The following IL4I1 variants were observed in gnomAD, a reference collection of about 807,000 sequenced individuals.
IL4I1 encodes the protein interleukin 4 induced 1, also known as L-amino-acid oxidase.
Under a neutral mutation model 29.7 loss-of-function variants are expected in IL4I1, and 24 were observed. The ratio of observed to expected loss-of-function variants is 0.81; its 90% CI spans 0.59 to 1.14. The LOEUF is 1.14. Ranked by LOEUF, IL4I1 falls within the 50% of genes most tolerant of loss-of-function variation. The pLI is 0.00. For synonymous variants in IL4I1, 371 were observed against 352.5 expected (o/e 1.05, Z -0.59); for missense variants, 686 against 785.6 (o/e 0.87, Z 1.52).
intron 2 of IL4I1, among the ~76,000 whole-genome samples, chr19:49,912,470 A>C (rs2075495197): frequency 6.6e-6 from 1 of 152,088 alleles, no homozygotes; most frequent in Non-Finnish European, 1.5e-5. Flanking sequence ...CGCCCGGCCA[A>C]CAGTTCACCA....
At position 49,908,541 on chromosome 19, in the gene IL4I1, G is replaced by C. The variant is rs753234707; in HGVS notation, c.-227-4220C>G. ...TCACGCTCCTCATCCGCGTGCTGCA[G>C]GTAGATGGTCCCGCTCTGCTCCTTG... On this transcript the variant is annotated intron_variant, in intron 2 of 9. Coordinates refer to the IL4I1 transcript ENST00000341114. The C allele has an allele frequency of 1.9e-6, 3 of 1,614,090 alleles. No homozygotes were observed. The Admixed American group carries it at 5.0e-5, about 27-fold the overall frequency.
At chr19:49,901,035 A>C (rs2075266906), upstream of IL4I1, among the ~76,000 whole-genome samples, 1 of 152,184 alleles carries the variant, frequency 6.6e-6, no homozygotes, top group Non-Finnish European at 1.5e-5. Context: ...CCTTACGTAT[A>C]TACGCATTCT....
At chr19:49,918,916 T>TGGG (rs1312547282) in intron 2 of IL4I1, among the ~76,000 whole-genome samples, 3 of 25,244 alleles carry the variant, frequency 1.2e-4, no homozygotes, top group African/African-American at 3.0e-4. Context: ...GGGCGGGGTG[T>TGGG]GGGGGGGCGG....
chr19:49,890,324 C>T lies in IL4I1; in HGVS notation c.1050G>A (p.Val350=). ...AGCTTAGGAACACCTTGGTGGCCGG[C>T]ACGTAGTGCAGCCTCCGCAGCGCCT... The part of the protein sequence containing the change: ...MQEALRRLHY[V]PATKVFLSFR... Residue 350 remains valine (V), a synonymous_variant, in exon 8 of 8, where the codon GTG becomes GTA. Transcript: ENST00000391826. 6.2e-7 allele frequency: 1 copy of T among 1,607,642 alleles called. No individual in the cohort carries two copies. The highest frequency in any genetic ancestry group is 8.5e-7 in the Non-Finnish European group (1 of 1,178,000).
intron 2 of IL4I1, among the ~76,000 whole-genome samples, chr19:49,916,725 C>G (rs1053888140): frequency 5.9e-5 from 9 of 151,698 alleles, no homozygotes; most frequent in African/African-American, 2.2e-4. Context: ...GATCACACCA[C>G]TGCACTCCAG....
intron 2 of IL4I1, chr19:49,911,199 T>C (rs926523519): frequency 1.3e-5 from 2 of 152,242 alleles, no homozygotes; most frequent in African/African-American, 4.8e-5. Context: ...CTAAAGATGA[T>C]CAGCAGTATC....
intron 2 of IL4I1, chr19:49,911,174 C>T (rs2075452344): frequency 1.3e-5 from 2 of 152,234 alleles, no homozygotes; most frequent in Admixed American, 1.3e-4. Flanking sequence ...AGTGCCAGGA[C>T]TACAGGCGTG....
intron 2 of IL4I1, chr19:49,908,255 C>G (rs569791604): frequency 6.2e-7 from 1 of 1,613,382 alleles, no homozygotes; most frequent in Non-Finnish European, 8.5e-7. Flanking sequence ...AAAGGTGATC[C>G]GGAAGCTGCG....
chr19:49,905,678 C>A (rs1455347641), intron 2 of IL4I1, among the ~76,000 whole-genome samples: 1 of 152,136 alleles, frequency 6.6e-6, no homozygotes, highest in Non-Finnish European at 1.5e-5. Context: ...CTCACTGCAA[C>A]CTCCACCTCT....
intron 2 of IL4I1, among the ~76,000 whole-genome samples, chr19:49,922,986 C>T (rs2075800018): frequency 6.6e-6 from 1 of 152,138 alleles, no homozygotes. Flanking sequence ...TCGGGGGGTA[C>T]AGTATCTTGT....
chr19:49,902,652 AC>A (rs2075281233), intron 3 of IL4I1, among the ~76,000 whole-genome samples: 1 of 151,790 alleles, frequency 6.6e-6, no homozygotes, highest in Non-Finnish European at 1.5e-5. Context: ...ACATGGTGAA[AC>A]CCCATCTCTA....
intron 2 of IL4I1, among the ~76,000 whole-genome samples, chr19:49,923,587 G>A (rs953987589): frequency 5.3e-5 from 8 of 152,234 alleles, no homozygotes; most frequent in African/African-American, 1.9e-4. Context: ...CTTCACTGAT[G>A]CCATCTCCAC....
At chr19:49,897,089 G>T (rs61132178), upstream of IL4I1, 7,482 of 161,804 alleles carry the variant, frequency 0.046, 368 homozygotes, top group African/African-American at 0.11. Context: ...TAGTTCTGGG[G>T]TGGTTTGGAG....
Position 49,894,288 on chromosome 19 carries a change from A to G in IL4I1, c.547T>C (p.Tyr183His). ...QEKGHSPEDIYQMALNQALKD... is the reference protein window; with the variant it reads ...QEKGHSPEDIHQMALNQALKD... ...CCCACCTGGTTGAGAGCCATCTGGT[A>G]GATGTCTTCGGGCGAGTGGCCCTTT... Residue 183 changes from tyrosine (Y) to histidine (H), a missense_variant, in exon 5 of 8, where the codon TAC becomes CAC. Coordinates refer to ENST00000391826, the MANE Select transcript of IL4I1 (RefSeq NM_152899.2). 1 of 1,613,940 alleles carries G rather than the reference A, an allele frequency of 6.2e-7. No homozygotes were observed. Among genetic ancestry groups the G allele is most frequent in the Non-Finnish European group, 8.5e-7 (1 of 1,179,928 alleles).
upstream of IL4I1, among the ~76,000 whole-genome samples, chr19:49,899,029 A>G (rs1479732461): frequency 6.6e-6 from 1 of 152,228 alleles, no homozygotes. Flanking sequence ...ATTCACAGCG[A>G]CATGTCAAGT....
intron 6 of IL4I1, 69 bp downstream of exon 6, chr19:49,891,336 C>G: frequency 7.1e-6 from 11 of 1,547,762 alleles, no homozygotes; most frequent in Non-Finnish European, 9.8e-6. Context: ...CGCCTTCTGA[C>G]TCTCTGGGGA....
chr19:49,897,439 C>T (rs1160831795), upstream of IL4I1, among the ~76,000 whole-genome samples: 2 of 151,338 alleles, frequency 1.3e-5, no homozygotes, highest in South Asian at 2.1e-4. Context: ...CTGAGCCCGC[C>T]CTCCCCTCTG....
At chr19:49,894,211 G>A (rs2075175052) in intron 5 of IL4I1, 57 bp downstream of exon 5, 3 of 1,534,048 alleles carry the variant, frequency 2.0e-6, no homozygotes, top group Non-Finnish European at 2.7e-6. Context: ...GGGCCGGGGC[G>A]AGCTTAGGAG....
chr19:49,901,755 G>T, upstream of IL4I1: 2 of 1,450,592 alleles, frequency 1.4e-6, no homozygotes, highest in Non-Finnish European at 1.9e-6. Flanking sequence ...CTTTGTCCTT[G>T]TTAGTGGTGC....
Sources: allele counts gnomAD v4.1 joint callset (sites outside exome capture counted in the v4.1 genomes callset), GRCh38; gene constraint gnomAD v4.1.1; transcripts MANE v1.5; gene names NCBI Gene and HGNC (gene_info 2026-07-23, HGNC 2026-07-21).